Variants in DLGAP2 observed in about 807,000 individuals in gnomAD.
DLGAP2 encodes DLG associated protein 2, also known as disks large-associated protein 2.
A neutral mutation model predicts 100.3 loss-of-function variants in DLGAP2; 26 were observed. That is an observed-to-expected ratio of 0.26 (90% confidence interval 0.19 to 0.36). DLGAP2 has a LOEUF of 0.36. Among genes scored for constraint, DLGAP2 ranks in the 10% least tolerant of loss-of-function variants. The pLI is 1.00. For missense variants in DLGAP2, 1,858 were observed against 1,453.2 expected (o/e 1.28, Z -4.53); for synonymous variants, 886 against 630.1 (o/e 1.41, Z -6.08).
At chr8:1,090,682 G>T (rs1563186004) in intron 2 of DLGAP2, among the ~76,000 whole-genome samples, 1 of 152,224 alleles carries the variant, frequency 6.6e-6, no homozygotes, top group Non-Finnish European at 1.5e-5. Context: ...AAGGCAGTAC[G>T]CTGTGTGGAC....
At chr8:1,107,117 C>A (rs772427220) in intron 2 of DLGAP2, among the ~76,000 whole-genome samples, 6 of 152,212 alleles carry the variant, frequency 3.9e-5, no homozygotes, top group Non-Finnish European at 7.3e-5. Context: ...GGCGGTATCA[C>A]ACACGCATCA....
At chr8:1,162,284 G>A (rs1046016254) in intron 2 of DLGAP2, among the ~76,000 whole-genome samples, 3 of 152,314 alleles carry the variant, frequency 2.0e-5, no homozygotes, top group East Asian at 3.9e-4. Context: ...CTGCACCGGC[G>A]TCTGCGTAGG....
chr8:1,416,458 C>G (rs1796886181), intron 3 of DLGAP2, among the ~76,000 whole-genome samples: 2 of 152,202 alleles, frequency 1.3e-5, no homozygotes, highest in Admixed American at 1.3e-4. Flanking sequence ...TCAGAACAGT[C>G]CATCAGGCGG....
At chr8:1,145,883 G>T (rs909184319) in intron 2 of DLGAP2, among the ~76,000 whole-genome samples, 1 of 150,142 alleles carries the variant, frequency 6.7e-6, no homozygotes, top group African/African-American at 2.5e-5. Context: ...TTGTTCTTGC[G>T]ATAGTTTACT....
At chr8:938,403 G>T (rs1403334031) in intron 2 of DLGAP2, among the ~76,000 whole-genome samples, 1 of 152,114 alleles carries the variant, frequency 6.6e-6, no homozygotes, top group East Asian at 1.9e-4. Context: ...TCACTATGTT[G>T]CCCATAGAGA....
intron 2 of DLGAP2, among the ~76,000 whole-genome samples, chr8:1,046,236 T>C (rs1295326702): frequency 6.6e-6 from 1 of 152,184 alleles, no homozygotes; most frequent in Non-Finnish European, 1.5e-5. Context: ...TTGAATGCAA[T>C]CTGTAATTTG....
At chr8:1,055,444 A>C (rs1802851293) in intron 2 of DLGAP2, among the ~76,000 whole-genome samples, 1 of 152,184 alleles carries the variant, frequency 6.6e-6, no homozygotes, top group African/African-American at 2.4e-5. Flanking sequence ...TTACCTATGA[A>C]TGTGTTAGGA....
intron 8 of DLGAP2, among the ~76,000 whole-genome samples, chr8:1,663,001 GGT>G (rs139095536): frequency 0.039 from 5,858 of 149,108 alleles, 149 homozygotes; most frequent in South Asian, 0.06. Context: ...GTGAGTGTGG[GGT>G]GTGTGTGTGT....
chr8:963,539 T>G (rs1799776865), intron 2 of DLGAP2, among the ~76,000 whole-genome samples: 1 of 152,216 alleles, frequency 6.6e-6, no homozygotes, highest in Non-Finnish European at 1.5e-5. Flanking sequence ...AAAGTAAGCG[T>G]TAAATGTAAT....
chr8:1,302,398 C>T (rs1334697889), intron 3 of DLGAP2: 1 of 112,550 alleles, frequency 8.9e-6, no homozygotes, highest in South Asian at 3.2e-4. Flanking sequence ...GGACCGGACT[C>T]AGCATTTTCT....
chr8:1,686,479 C>T (rs979846785), intron 12 of DLGAP2, among the ~76,000 whole-genome samples: 1 of 152,108 alleles, frequency 6.6e-6, no homozygotes, highest in African/African-American at 2.4e-5. Flanking sequence ...ACCAGCCTGG[C>T]CAACATGGTG....
chr8:1,256,765 C>G (rs1799231487), intron 2 of DLGAP2, among the ~76,000 whole-genome samples: 1 of 152,138 alleles, frequency 6.6e-6, no homozygotes, highest in Non-Finnish European at 1.5e-5. Flanking sequence ...AGGGGTGGTG[C>G]CTGCGTTTCC....
chr8:1,382,273 A>G (rs1186219229), intron 3 of DLGAP2, among the ~76,000 whole-genome samples: 7 of 152,222 alleles, frequency 4.6e-5, no homozygotes, highest in Middle Eastern at 3.2e-3. Flanking sequence ...ATGGATCACC[A>G]CAGAGGCCTT....
intron 2 of DLGAP2, among the ~76,000 whole-genome samples, chr8:993,751 G>T (rs1037858117): frequency 8.9e-5 from 13 of 146,172 alleles, no homozygotes; most frequent in African/African-American, 2.8e-4. Context: ...TTCTCTAGAT[G>T]CAGACTTTAA....
intron 2 of DLGAP2, among the ~76,000 whole-genome samples, chr8:1,008,288 A>G (rs1170019326): frequency 6.6e-6 from 1 of 152,230 alleles, no homozygotes; most frequent in Non-Finnish European, 1.5e-5. Flanking sequence ...AGTTTCTATG[A>G]AGAAGTTAAA....
At chr8:1,417,496 G>A (rs1014887563) in intron 3 of DLGAP2, among the ~76,000 whole-genome samples, 9 of 152,190 alleles carry the variant, frequency 5.9e-5, no homozygotes, top group Non-Finnish European at 1.5e-5. Context: ...GTTTCCACGG[G>A]GCTCACCAGG....
intron 2 of DLGAP2, among the ~76,000 whole-genome samples, chr8:1,046,740 G>C (rs1029139884): frequency 3.3e-5 from 5 of 152,170 alleles, no homozygotes; most frequent in Non-Finnish European, 5.9e-5. Flanking sequence ...AATATAGTAT[G>C]ATCTCTCTTC....
intron 1 of DLGAP2, among the ~76,000 whole-genome samples, chr8:781,133 C>A (rs1821675735): frequency 6.6e-6 from 1 of 151,996 alleles, no homozygotes; most frequent in Non-Finnish European, 1.5e-5. Context: ...GTAAGTCGTG[C>A]ATCTGTTAAG....
At chr8:1,632,740 G>A (rs1010752422) in intron 7 of DLGAP2, 87 bp from the exon 8 acceptor site, 17 of 1,348,046 alleles carry the variant, frequency 1.3e-5, no homozygotes, top group Non-Finnish European at 1.6e-5. Context: ...AAGGCAGCCT[G>A]GGAATGAGCG....
Sources: gnomAD v4.1 joint callset for allele counts (sites outside exome capture counted in the v4.1 genomes callset) on GRCh38, gnomAD v4.1.1 for gene constraint, MANE v1.5 for transcripts, NCBI Gene and HGNC (gene_info 2026-07-23, HGNC 2026-07-21) for gene names.